Variants in FOXP1 observed in about 807,000 individuals in gnomAD.
FOXP1 encodes forkhead box protein P1.
A neutral mutation model predicts 98.2 loss-of-function variants in FOXP1; 15 were observed. That is an observed-to-expected ratio of 0.15 (90% CI 0.10 to 0.24). FOXP1 has a LOEUF of 0.24. Ranked by LOEUF, FOXP1 falls within the 10% of genes least tolerant of loss-of-function variation. The pLI is 1.00. For synonymous variants in FOXP1, 371 were observed against 314.5 expected (o/e 1.18, Z -1.90); for missense variants, 633 against 848.5 (o/e 0.75, Z 3.15).
intron 11 of FOXP1, among the ~76,000 whole-genome samples, chr3:71,024,483 T>TA (rs994253376): frequency 2.0e-5 from 3 of 152,200 alleles, no homozygotes; most frequent in Admixed American, 6.5e-5. Flanking sequence ...TAAAGCCTAT[T>TA]AAAGGGCCTA....
At chr3:71,272,230 G>A (rs1026849351) in intron 5 of FOXP1, among the ~76,000 whole-genome samples, 1 of 152,182 alleles carries the variant, frequency 6.6e-6, no homozygotes, top group Non-Finnish European at 1.5e-5. Flanking sequence ...CCAATTATAG[G>A]AGAAGGAAGA....
At chr3:71,474,725 T>A (rs537906785) in intron 3 of FOXP1, among the ~76,000 whole-genome samples, 1 of 152,086 alleles carries the variant, frequency 6.6e-6, no homozygotes, top group Non-Finnish European at 1.5e-5. Context: ...GATGGGACCA[T>A]CTAGTTGCAG....
At chr3:70,996,520 T>C (rs2041388234) in intron 13 of FOXP1, among the ~76,000 whole-genome samples, 1 of 152,240 alleles carries the variant, frequency 6.6e-6, no homozygotes, top group Non-Finnish European at 1.5e-5. Flanking sequence ...GTAGTTATTT[T>C]GGAAAAATTG....
At chr3:71,452,457 G>A (rs2087044490) in intron 3 of FOXP1, among the ~76,000 whole-genome samples, 1 of 152,158 alleles carries the variant, frequency 6.6e-6, no homozygotes, top group African/African-American at 2.4e-5. Flanking sequence ...AGCCAGCAAG[G>A]CAAGATAGGG....
intron 11 of FOXP1, among the ~76,000 whole-genome samples, chr3:71,029,860 C>CTGT (rs2046632357): frequency 6.6e-6 from 1 of 152,140 alleles, no homozygotes; most frequent in African/African-American, 2.4e-5. Context: ...TTCCCAGAAT[C>CTGT]TACAGAGTTA....
rs527975099 is a variant in FOXP1, at chr3:71,143,824, T to C, written c.181-31187A>G. On this transcript the variant is annotated intron_variant, in intron 6 of 20. Transcript: ENST00000649528. The stretch of plus-strand genomic sequence containing the variant: ...GTGTTACGACGATTACTTTTACCAC[T>C]GCTATGAATAGGAGCTGATTTTTAT... 7.0e-4 allele frequency among the ~76,000 whole-genome samples: 106 copies of C among 152,344 alleles called. 1 individual carries two copies. The highest frequency in any genetic ancestry group is 2.4e-3 in the African/African-American group (100 of 41,566).
intron 6 of FOXP1, among the ~76,000 whole-genome samples, chr3:71,190,620 C>G (rs924119277): frequency 8.0e-6 from 1 of 124,866 alleles, no homozygotes; most frequent in African/African-American, 3.3e-5. Context: ...CCTGGGTGAC[C>G]GAGCTAGACC....
At chr3:71,578,928 T>G (rs1311100373) in intron 2 of FOXP1, among the ~76,000 whole-genome samples, 1 of 152,218 alleles carries the variant, frequency 6.6e-6, no homozygotes, top group Non-Finnish European at 1.5e-5. Context: ...TTCAAAACAT[T>G]ACATATTGCA....
intron 2 of FOXP1, among the ~76,000 whole-genome samples, chr3:71,544,020 C>CAT (rs1560635481): frequency 8.7e-6 from 1 of 114,314 alleles, no homozygotes; most frequent in East Asian, 2.0e-4. Context: ...TGTATACACA[C>CAT]ATATACACAC....
intron 5 of FOXP1, among the ~76,000 whole-genome samples, chr3:71,213,716 G>A (rs1293175958): frequency 6.6e-5 from 10 of 152,182 alleles, no homozygotes; most frequent in African/African-American, 1.9e-4. Flanking sequence ...CTCGGGAGGC[G>A]GAGGCAGGTG....
chr3:71,136,021 C>T (rs375018045), intron 6 of FOXP1, among the ~76,000 whole-genome samples: 18 of 152,176 alleles, frequency 1.2e-4, no homozygotes, highest in East Asian at 3.8e-4. Context: ...AAGTTGGGAG[C>T]GCAGGACCAA....
chr3:70,968,363 G>GTTTTTTT (rs36077201), intron 19 of FOXP1: 1 of 119,238 alleles, frequency 8.4e-6, no homozygotes, highest in African/African-American at 3.0e-5. Flanking sequence ...CTAACAAAGT[G>GTTTTTTT]TTTTTTTTTT....
At chr3:71,551,036 T>C (rs544703113) in intron 2 of FOXP1, among the ~76,000 whole-genome samples, 5 of 152,322 alleles carry the variant, frequency 3.3e-5, no homozygotes, top group African/African-American at 1.2e-4. Flanking sequence ...TCAATAATAT[T>C]ACCAGGAAAC....
intron 3 of FOXP1, among the ~76,000 whole-genome samples, chr3:71,391,428 T>A (rs771137748): frequency 4.6e-5 from 7 of 152,190 alleles, no homozygotes; most frequent in Non-Finnish European, 1.0e-4. Context: ...ATATAGCAAA[T>A]TCTCCCACCT....
At chr3:71,198,680 G>C (rs776031466) in intron 5 of FOXP1, among the ~76,000 whole-genome samples, 9 of 151,894 alleles carry the variant, frequency 5.9e-5, no homozygotes, top group Non-Finnish European at 1.0e-4. Flanking sequence ...TAGAATTCAA[G>C]ATTAAATTTT....
intron 6 of FOXP1, among the ~76,000 whole-genome samples, chr3:71,171,197 C>T (rs936787163): frequency 2.6e-5 from 4 of 151,666 alleles, no homozygotes; most frequent in Non-Finnish European, 5.9e-5. Context: ...AAAAAGTTGG[C>T]ATCGTGAGGG....
chr3:71,132,145 C>T (rs1426732590), intron 6 of FOXP1, among the ~76,000 whole-genome samples: 1 of 152,222 alleles, frequency 6.6e-6, no homozygotes, highest in Non-Finnish European at 1.5e-5. Context: ...AGCTGCTCTG[C>T]GTTGCAGTAT....
At chr3:71,408,016 G>C (rs1375887339) in intron 3 of FOXP1, among the ~76,000 whole-genome samples, 2 of 151,988 alleles carry the variant, frequency 1.3e-5, no homozygotes, top group Non-Finnish European at 2.9e-5. Flanking sequence ...CGTCAGGAAA[G>C]AGAGCAGTCA....
intron 5 of FOXP1, among the ~76,000 whole-genome samples, chr3:71,206,010 T>G (rs903922867): frequency 6.6e-6 from 1 of 152,198 alleles, no homozygotes; most frequent in Non-Finnish European, 1.5e-5. Context: ...GAAGAAGCAT[T>G]CAGATTAAAA....
Sources: allele counts gnomAD v4.1 joint callset (sites outside exome capture counted in the v4.1 genomes callset), GRCh38; gene constraint gnomAD v4.1.1; transcripts MANE v1.5; gene names NCBI Gene and HGNC (gene_info 2026-07-23, HGNC 2026-07-21).